The following CTNNA2 variants were observed in gnomAD, a reference collection of about 807,000 sequenced individuals.
CTNNA2 encodes catenin alpha 2.
In CTNNA2, 42 loss-of-function variants were observed where a neutral mutation model predicts 101.0. The ratio of observed to expected loss-of-function variants is 0.42; its 90% CI spans 0.32 to 0.54. The LOEUF (loss-of-function observed/expected upper bound fraction) is 0.54, where lower values mean the gene tolerates loss of function less well. CTNNA2 is among the 20% of genes least tolerant of loss of function. The pLI is 0.14. For missense variants in CTNNA2, 871 were observed against 1,223.1 expected, an observed-to-expected ratio of 0.71 and a Z score of 4.29; for synonymous variants, 450 against 456.4, an observed-to-expected ratio of 0.99 and a Z score of 0.18.
chr2:80,233,975 C>G (rs1250014279), intron 7 of CTNNA2, among the ~76,000 whole-genome samples: 2 of 152,134 alleles, frequency 1.3e-5, no homozygotes, highest in Admixed American at 6.6e-5. Flanking sequence ...GCTAGTATCA[C>G]TACTTTGACT....
rs139644257 is a variant in CTNNA2, at chr2:80,259,209, G to A, written c.1057-134002G>A. Among the ~76,000 whole-genome samples the A allele has an allele frequency of 2.8e-4, 43 of 152,216 alleles. No individual in the cohort carries two copies. In the East Asian group the frequency reaches 7.5e-3, roughly 27 times the overall value. On this transcript the variant is annotated intron_variant, in intron 7 of 18. Coordinates refer to ENST00000402739, the MANE Select transcript of CTNNA2 (RefSeq NM_001282597.3). ...TGCTATGAGTAGCATTATGTAATTA[G>A]ACAGCCCATTTGGGGACATTTCCCA...
At chr2:79,274,944 A>G (rs952990721) in intron 2 of CTNNA2, among the ~76,000 whole-genome samples, 6 of 152,006 alleles carry the variant, frequency 3.9e-5, no homozygotes, top group Non-Finnish European at 1.5e-5. Flanking sequence ...TCAAGGATAA[A>G]TATGGTTGAG....
intron 2 of CTNNA2, among the ~76,000 whole-genome samples, chr2:79,703,911 T>G (rs528846630): frequency 2.0e-5 from 3 of 151,124 alleles, no homozygotes; most frequent in East Asian, 4.0e-4. Flanking sequence ...TCATATAAAT[T>G]TATATTTGAA....
rs1558565757 is a variant in CTNNA2, at chr2:79,835,682, T to TTTTTGTTTGTTTGTTTG, written c.299-22327_299-22326insGTTTGTTTGTTTGTTTT. Among the ~76,000 whole-genome samples the TTTTTGTTTGTTTGTTTG allele has an allele frequency of 5.9e-4, 76 of 128,936 alleles. 1 individual carries two copies. The highest frequency in any genetic ancestry group is 2.3e-3 in the African/African-American group (74 of 32,046). 84.6% of individuals were successfully genotyped at this position (128,936 alleles called of 152,430 possible). A position where few individuals can be genotyped will look rare whatever the true frequency, so the allele number is the denominator to read the frequency against. Reference sequence around the variant, plus strand: ...CCTCTCTTTGTTTTTTTTTTTTTTTTTTTTTTTTTTTTTTTTTTTTTGAGA... The same window carrying TTTTTGTTTGTTTGTTTG: ...CCTCTCTTTGTTTTTTTTTTTTTTTTTTTTGTTTGTTTGTTTGTTTTTTTTTTTTTTTTTTTTTGAGA... On this transcript the variant is annotated intron_variant, in intron 3 of 18. Coordinates refer to ENST00000402739, the MANE Select transcript of CTNNA2 (RefSeq NM_001282597.3).
intron 2 of CTNNA2, among the ~76,000 whole-genome samples, chr2:79,200,119 C>T (rs1674013728): frequency 6.6e-6 from 1 of 152,040 alleles, no homozygotes. Flanking sequence ...AAGAAAGTAT[C>T]CTGCCTGTAA....
At chr2:79,551,845 A>G (rs1179345090) in intron 1 of CTNNA2, among the ~76,000 whole-genome samples, 2 of 152,132 alleles carry the variant, frequency 1.3e-5, no homozygotes, top group East Asian at 1.9e-4. Flanking sequence ...AGAACTCACT[A>G]TCATGAGAAC....
chr2:79,406,618 C>A (rs775669925), intron 4 of CTNNA2, among the ~76,000 whole-genome samples: 6 of 152,030 alleles, frequency 3.9e-5, no homozygotes, highest in Non-Finnish European at 7.4e-5. Context: ...CTCAATAAAT[C>A]ATGTTGACAA....
chr2:80,349,072 G>A (rs1673048536), intron 7 of CTNNA2, among the ~76,000 whole-genome samples: 2 of 152,162 alleles, frequency 1.3e-5, no homozygotes, highest in Non-Finnish European at 2.9e-5. Flanking sequence ...TTCATAGCCA[G>A]CCATGAAAGG....
At chr2:79,600,797 A>T (rs2104077286) in intron 1 of CTNNA2, among the ~76,000 whole-genome samples, 1 of 152,198 alleles carries the variant, frequency 6.6e-6, no homozygotes, top group Non-Finnish European at 1.5e-5. Context: ...ATATCTGGTG[A>T]GGGCACTCTT....
Position 79,981,526 on chromosome 2 carries a change from A to G in CTNNA2, c.1056+71729A>G, listed in dbSNP as rs554853221. Among the ~76,000 whole-genome samples the G allele has an allele frequency of 4.8e-3, 737 of 152,258 alleles. 1 individual carries two copies. Among genetic ancestry groups the G allele is most frequent in the Non-Finnish European group, 7.6e-3 (518 of 68,018 alleles). On this transcript the variant is annotated intron_variant, in intron 7 of 18. Transcript: ENST00000402739. ...AGGAAAGAACTATGATGTGACACTG[A>G]CACCTGTAACTCGCTAACAGAGTCT...
intron 3 of CTNNA2, among the ~76,000 whole-genome samples, chr2:79,810,932 G>C (rs1676975659): frequency 6.6e-6 from 1 of 151,572 alleles, no homozygotes; most frequent in South Asian, 2.1e-4. Context: ...TATCATTGTT[G>C]GACATTTGGG....
chr2:80,320,036 G>C (rs757980401), intron 7 of CTNNA2, among the ~76,000 whole-genome samples: 1 of 152,200 alleles, frequency 6.6e-6, no homozygotes, highest in African/African-American at 2.4e-5. Context: ...GACATTTGGC[G>C]ATTGCCTTCA....
intron 3 of CTNNA2, among the ~76,000 whole-genome samples, chr2:79,747,709 C>G (rs1671738506): frequency 6.6e-6 from 1 of 152,130 alleles, no homozygotes; most frequent in South Asian, 2.1e-4. Flanking sequence ...CCAGACTATC[C>G]TAGGAGTATT....
chr2:80,106,227 G>A (rs1468213621), intron 7 of CTNNA2, among the ~76,000 whole-genome samples: 1 of 152,082 alleles, frequency 6.6e-6, no homozygotes, highest in East Asian at 1.9e-4. Flanking sequence ...GCTTCTCCCT[G>A]GGTTTGGAGG....
intron 18 of CTNNA2, among the ~76,000 whole-genome samples, chr2:80,631,218 T>C (rs910097234): frequency 1.3e-5 from 2 of 152,174 alleles, no homozygotes; most frequent in Admixed American, 6.5e-5. Context: ...AGATACTGTA[T>C]CATACCATCT....
intron 3 of CTNNA2, among the ~76,000 whole-genome samples, chr2:79,834,540 G>A (rs1679169526): frequency 6.6e-6 from 1 of 151,582 alleles, no homozygotes; most frequent in Non-Finnish European, 1.5e-5. Context: ...TAGTCATTTG[G>A]GTTTGCTATT....
intron 7 of CTNNA2, among the ~76,000 whole-genome samples, chr2:80,366,699 G>C (rs991171188): frequency 1.3e-5 from 2 of 152,090 alleles, no homozygotes; most frequent in Admixed American, 6.6e-5. Flanking sequence ...TGTTGTTGCA[G>C]TGTGTCAAAT....
intron 7 of CTNNA2, among the ~76,000 whole-genome samples, chr2:79,956,229 A>G (rs148448936): frequency 6.6e-5 from 10 of 152,008 alleles, no homozygotes; most frequent in African/African-American, 2.2e-4. Flanking sequence ...ACTCCAGAAA[A>G]TTTTGCTTAA....
intron 9 of CTNNA2, among the ~76,000 whole-genome samples, chr2:80,492,056 G>C (rs146680581): frequency 1.3e-5 from 2 of 152,254 alleles, no homozygotes; most frequent in Non-Finnish European, 2.9e-5. Flanking sequence ...GTGTGGATTT[G>C]TGTCCCCACC....
Sources: allele counts gnomAD v4.1 joint callset (sites outside exome capture counted in the v4.1 genomes callset), GRCh38; gene constraint gnomAD v4.1.1; transcripts MANE v1.5; gene names NCBI Gene and HGNC (gene_info 2026-07-23, HGNC 2026-07-21).